The following ITPR2 variants were observed in gnomAD, a reference collection of about 807,000 sequenced individuals.
The protein encoded by ITPR2 is inositol 1,4,5-trisphosphate-gated calcium channel ITPR2.
In ITPR2, 207 loss-of-function variants were observed where a neutral mutation model predicts 317.1. That is an observed-to-expected ratio of 0.65 (90% CI 0.58 to 0.73). ITPR2 has a LOEUF of 0.73. Ranked by LOEUF, ITPR2 falls within the 30% of genes least tolerant of loss-of-function variation. The pLI is 0.00. For missense variants in ITPR2, 2,613 were observed against 3,284.0 expected, an observed-to-expected ratio of 0.80 and a Z score of 4.99; for synonymous variants, 1,156 against 1,149.1, an observed-to-expected ratio of 1.01 and a Z score of -0.12.
At chr12:26,661,640 G>A (rs745865608) in intron 15 of ITPR2, among the ~76,000 whole-genome samples, 28 of 152,112 alleles carry the variant, frequency 1.8e-4, no homozygotes, top group Non-Finnish European at 3.4e-4. Flanking sequence ...GACCTGTTAG[G>A]TATTTTTTCT....
At chr12:26,505,299 T>G (rs562784615) in intron 37 of ITPR2, among the ~76,000 whole-genome samples, 1 of 152,190 alleles carries the variant, frequency 6.6e-6, no homozygotes, top group Non-Finnish European at 1.5e-5. Context: ...TGATACACAA[T>G]GCAACACCTA....
At chr12:26,486,967 T>A in intron 40 of ITPR2, 101 bp downstream of exon 40, 1 of 1,221,888 alleles carries the variant, frequency 8.2e-7, no homozygotes, top group Non-Finnish European at 1.2e-6. Context: ...GTGGGGATAA[T>A]TAAACCAAGA....
At chr12:26,737,252 G>A (rs552558378) in intron 2 of ITPR2, among the ~76,000 whole-genome samples, 2 of 149,916 alleles carry the variant, frequency 1.3e-5, no homozygotes, top group African/African-American at 4.9e-5. Flanking sequence ...TTTCCTTTTC[G>A]TTTCTTTCTT....
At chr12:26,592,739 T>C (rs1399614536) in intron 32 of ITPR2, among the ~76,000 whole-genome samples, 1 of 152,256 alleles carries the variant, frequency 6.6e-6, no homozygotes, top group Non-Finnish European at 1.5e-5. Context: ...TTCTCATGGA[T>C]ATAAATCAGT....
At chr12:26,625,887 C>T (rs576592194) in intron 23 of ITPR2, among the ~76,000 whole-genome samples, 27 of 151,996 alleles carry the variant, frequency 1.8e-4, no homozygotes, top group African/African-American at 6.0e-4. Flanking sequence ...TCTACGTGAA[C>T]CAATCATGAT....
intron 9 of ITPR2, among the ~76,000 whole-genome samples, chr12:26,701,553 C>G (rs894708930): frequency 6.6e-6 from 1 of 152,022 alleles, no homozygotes; most frequent in Non-Finnish European, 1.5e-5. Context: ...ACATTTTATT[C>G]GTATGTATAG....
intron 37 of ITPR2, among the ~76,000 whole-genome samples, chr12:26,503,766 A>T (rs1943125692): frequency 6.6e-6 from 1 of 152,244 alleles, no homozygotes. Flanking sequence ...GGCCCATAGC[A>T]AGTACTGAAT....
chr12:26,550,307 G>T lies in ITPR2; in HGVS notation c.5013C>A (p.Cys1671Ter). 6.5e-7 allele frequency: 1 copy of T among 1,546,634 alleles called. No individual in the cohort carries two copies. Among genetic ancestry groups the T allele is most frequent in the Non-Finnish European group, 8.9e-7 (1 of 1,125,774 alleles). Reference protein sequence around the residue: ...KKLMEKEEKLCIKILQTLREM... With the variant: ...KKLMEKEEKL ...CTCGTAATGTCTGAAGAATTTTAAT[G>T]CACAGTTTTTCTTCTTTCTCCATTA... is the stretch of plus-strand genomic sequence containing the variant. Residue 1671 changes from cysteine (C) to a stop codon, truncating the protein, a stop_gained, in exon 37 of 57, where the codon TGC becomes TGA. Transcript: ENST00000381340. LOFTEE classifies it high-confidence loss of function.
At chr12:26,448,369 TG>T (rs111476579) in intron 45 of ITPR2, among the ~76,000 whole-genome samples, 7,355 of 149,392 alleles carry the variant, frequency 0.049, 378 homozygotes, top group African/African-American at 0.13. Context: ...GGAAATGCCA[TG>T]GGGGGGAAAT....
intron 2 of ITPR2, among the ~76,000 whole-genome samples, chr12:26,772,570 T>A (rs1949889594): frequency 7.1e-6 from 1 of 140,864 alleles, no homozygotes. Context: ...ATTATATATA[T>A]ATATGTATCT....
chr12:26,574,791 C>T (rs993353336), intron 34 of ITPR2, among the ~76,000 whole-genome samples: 13 of 152,054 alleles, frequency 8.5e-5, no homozygotes, highest in South Asian at 8.3e-4. Context: ...GGTCATGTGG[C>T]GAGGGCAGGA....
At chr12:26,629,458 G>A (rs1000959970) in intron 22 of ITPR2, among the ~76,000 whole-genome samples, 3 of 151,856 alleles carry the variant, frequency 2.0e-5, no homozygotes, top group South Asian at 4.2e-4. Context: ...ATGGTGGTGC[G>A]TGCCTGTAAT....
At chr12:26,347,995 T>G (rs923111747) in intron 55 of ITPR2, among the ~76,000 whole-genome samples, 7 of 152,250 alleles carry the variant, frequency 4.6e-5, no homozygotes, top group African/African-American at 1.7e-4. Flanking sequence ...GCTTAGAATG[T>G]GCTATCACAA....
intron 1 of ITPR2, among the ~76,000 whole-genome samples, chr12:26,818,576 A>T (rs1462243110): frequency 1.3e-5 from 2 of 152,264 alleles, no homozygotes; most frequent in African/African-American, 4.8e-5. Context: ...CTGCACATGG[A>T]TTAGTGTAGT....
rs547804602 is a variant in ITPR2 at position 26,489,165 on chromosome 12, A to G, written c.5371-1914T>C. On this transcript the variant is annotated intron_variant, in intron 39 of 56. Transcript: ENST00000381340. Reference sequence around the variant, plus strand: ...TATTTATATAATCTCAACAAGTAGCATAAGTATTCCTTTCACTAAAGACAT... The same window carrying G: ...TATTTATATAATCTCAACAAGTAGCGTAAGTATTCCTTTCACTAAAGACAT... Among the ~76,000 whole-genome samples, 10 of 152,246 alleles carry G rather than the reference A, an allele frequency of 6.6e-5. No homozygotes were observed. In the South Asian group the frequency reaches 1.0e-3, roughly 16 times the overall value.
At chr12:26,563,309 C>T (rs983204239) in intron 34 of ITPR2, among the ~76,000 whole-genome samples, 101 of 152,310 alleles carry the variant, frequency 6.6e-4, no homozygotes, top group African/African-American at 2.2e-3. Flanking sequence ...TGTTGGCTCA[C>T]GCCTGTAATC....
chr12:26,805,522 A>G (rs1314609896), intron 1 of ITPR2, among the ~76,000 whole-genome samples: 1 of 152,134 alleles, frequency 6.6e-6, no homozygotes, highest in African/African-American at 2.4e-5. Context: ...GAATTTAAAT[A>G]TCTTCACAAA....
chr12:26,709,347 GT>G (rs1695635056), intron 9 of ITPR2, among the ~76,000 whole-genome samples: 1 of 152,102 alleles, frequency 6.6e-6, no homozygotes, highest in Non-Finnish European at 1.5e-5. Context: ...CAAAGAAAAG[GT>G]CCTCTAAATA....
At chr12:26,824,904 T>C (rs889745425) in intron 1 of ITPR2, among the ~76,000 whole-genome samples, 2 of 152,154 alleles carry the variant, frequency 1.3e-5, no homozygotes, top group African/African-American at 4.8e-5. Flanking sequence ...AAAAATGCCA[T>C]CAATACATTC....
Sources: allele counts gnomAD v4.1 joint callset (sites outside exome capture counted in the v4.1 genomes callset), GRCh38; gene constraint gnomAD v4.1.1; transcripts MANE v1.5; gene names NCBI Gene and HGNC (gene_info 2026-07-23, HGNC 2026-07-21).